LINC01488: variants seen among roughly 807,000 people sequenced by gnomAD.
LINC01488 encodes long independently transcribed non-coding RNA 1488.
At chr11:69,490,946 C>G (rs537348833) in intron 2 of LINC01488, 3 of 151,722 alleles carry the variant, frequency 2.0e-5, no homozygotes, top group African/African-American at 7.3e-5. Flanking sequence ...CCAAGCAAGA[C>G]CTCCCCCTGG....
chr11:69,487,628 T>A (rs1485712417), intron 1 of LINC01488, among the ~76,000 whole-genome samples: 1 of 152,112 alleles, frequency 6.6e-6, no homozygotes, highest in Non-Finnish European at 1.5e-5. Context: ...TGATTTCTTG[T>A]GGGTCGTGGA....
intron 1 of LINC01488, among the ~76,000 whole-genome samples, chr11:69,484,029 G>A (rs939935450): frequency 7.9e-5 from 12 of 152,186 alleles, no homozygotes; most frequent in African/African-American, 2.4e-4. Context: ...GGCAGCTCCC[G>A]CTCTCCAGGC....
chr11:69,483,699 A>AC (rs1300901683), intron 1 of LINC01488, among the ~76,000 whole-genome samples: 2 of 152,196 alleles, frequency 1.3e-5, no homozygotes, highest in African/African-American at 4.8e-5. Flanking sequence ...CCCCAGCCGC[A>AC]CCCCATTTTA....
At chr11:69,490,283 A>G (rs1857199076) in intron 1 of LINC01488, among the ~76,000 whole-genome samples, 1 of 152,136 alleles carries the variant, frequency 6.6e-6, no homozygotes, top group Admixed American at 6.5e-5. Flanking sequence ...TAGAGCGGTA[A>G]GGCTGGCAGG....
intron 1 of LINC01488, among the ~76,000 whole-genome samples, chr11:69,489,249 C>A (rs753516248): frequency 5.9e-5 from 9 of 152,046 alleles, no homozygotes; most frequent in Non-Finnish European, 7.4e-5. Flanking sequence ...ACACTGTGAC[C>A]CCGGGCACCT....
chr11:69,484,071 C>G (rs570643035), intron 1 of LINC01488, among the ~76,000 whole-genome samples: 1 of 152,370 alleles, frequency 6.6e-6, no homozygotes, highest in South Asian at 2.1e-4. Flanking sequence ...TAAAGGGGAA[C>G]TAGGGCCCTA....
chr11:69,491,788 G>A (rs565482166), intron 3 of LINC01488: 7 of 152,664 alleles, frequency 4.6e-5, no homozygotes, highest in South Asian at 2.1e-4. Flanking sequence ...CTGCTTCAGC[G>A]TGGTGAGACA....
chr11:69,483,901 C>A (rs369529192), intron 1 of LINC01488, among the ~76,000 whole-genome samples: 3 of 152,186 alleles, frequency 2.0e-5, no homozygotes, highest in African/African-American at 7.2e-5. Context: ...AAACCAGGGG[C>A]TCTGTCTCAG....
At chr11:69,489,209 A>G (rs12225226) in intron 1 of LINC01488, among the ~76,000 whole-genome samples, 26,652 of 151,766 alleles carry the variant, frequency 0.18, 2,661 homozygotes, top group East Asian at 0.38. Context: ...CCGAGACCCC[A>G]GACGCCCTCT....
chr11:69,490,225 C>A (rs552065050), intron 1 of LINC01488, among the ~76,000 whole-genome samples: 1 of 152,202 alleles, frequency 6.6e-6, no homozygotes, highest in African/African-American at 2.4e-5. Context: ...CCTAGTCAGC[C>A]CTGTTCCGCC....
At chr11:69,489,113 C>G (rs558087824) in intron 1 of LINC01488, among the ~76,000 whole-genome samples, 1 of 152,310 alleles carries the variant, frequency 6.6e-6, no homozygotes, top group Non-Finnish European at 1.5e-5. Context: ...CGGCTGTGGC[C>G]CCCAAACGCC....
chr11:69,488,393 C>T (rs1166728508), intron 1 of LINC01488: 2 of 152,380 alleles, frequency 1.3e-5, no homozygotes, highest in Non-Finnish European at 2.9e-5. Flanking sequence ...CGTTTTGACG[C>T]CCAGGTCTGG....
intron 1 of LINC01488, among the ~76,000 whole-genome samples, chr11:69,484,009 A>T (rs1857076982): frequency 6.6e-6 from 1 of 152,078 alleles, no homozygotes; most frequent in Non-Finnish European, 1.5e-5. Context: ...TCACTCCACG[A>T]CCTCACACGG....
chr11:69,481,899 A>G (rs1243756827), intron 1 of LINC01488: 2 of 151,888 alleles, frequency 1.3e-5, no homozygotes, highest in African/African-American at 4.8e-5. Context: ...GAATGGGTGG[A>G]TGGATGGATG....
chr11:69,489,522 C>G (rs1857181885), intron 1 of LINC01488, among the ~76,000 whole-genome samples: 1 of 152,228 alleles, frequency 6.6e-6, no homozygotes, highest in African/African-American at 2.4e-5. Context: ...CCACAGGCCT[C>G]CCATGTGGTA....
intron 1 of LINC01488, among the ~76,000 whole-genome samples, chr11:69,489,549 C>T (rs750253860): frequency 9.2e-5 from 14 of 152,352 alleles, no homozygotes; most frequent in Non-Finnish European, 1.6e-4. Context: ...GCCCTGGAGC[C>T]GGAGGCTTGG....
At chr11:69,485,702 C>T (rs1220766923) in intron 1 of LINC01488, 1 of 152,290 alleles carries the variant, frequency 6.6e-6, no homozygotes. Context: ...TCTGCCTGCC[C>T]TAGCCAATAT....
chr11:69,486,660 G>T (rs1004471706), intron 1 of LINC01488, among the ~76,000 whole-genome samples: 1 of 152,168 alleles, frequency 6.6e-6, no homozygotes, highest in South Asian at 2.1e-4. Context: ...GAGGAGAGAG[G>T]GGACAGCCTA....
intron 1 of LINC01488, among the ~76,000 whole-genome samples, chr11:69,482,942 CCCT>C (rs1857063228): frequency 6.6e-6 from 1 of 152,178 alleles, no homozygotes; most frequent in South Asian, 2.1e-4. Context: ...TGAGGACCCA[CCCT>C]GGTGACCTCC....
Sources: allele counts gnomAD v4.1 joint callset (sites outside exome capture counted in the v4.1 genomes callset), GRCh38; gene constraint gnomAD v4.1.1; transcripts MANE v1.5; gene names NCBI Gene and HGNC (gene_info 2026-07-23, HGNC 2026-07-21).